Variants in RBFOX1 observed in about 807,000 individuals in gnomAD.
RBFOX1 encodes RNA binding protein fox-1 homolog 1.
In RBFOX1, 8 loss-of-function variants were observed where a neutral mutation model predicts 57.7. The ratio of observed to expected loss-of-function variants is 0.14; its 90% CI spans 0.08 to 0.25. The LOEUF (loss-of-function observed/expected upper bound fraction) is 0.25, where lower values mean the gene tolerates loss of function less well. Among genes scored for constraint, RBFOX1 ranks in the 10% least tolerant of loss-of-function variants. The pLI is 1.00. For missense variants in RBFOX1, 611 were observed against 548.5 expected (o/e 1.11, Z -1.14); for synonymous variants, 326 against 222.4 (o/e 1.47, Z -4.15).
chr16:7,080,031 T>C (rs1326781024), intron 4 of RBFOX1, among the ~76,000 whole-genome samples: 1 of 82,246 alleles, frequency 1.2e-5, no homozygotes, highest in Non-Finnish European at 2.9e-5. Context: ...TACGTATATA[T>C]GTATATAGAT....
At chr16:7,334,202 G>A (rs1409580717) in intron 4 of RBFOX1, among the ~76,000 whole-genome samples, 1 of 152,058 alleles carries the variant, frequency 6.6e-6, no homozygotes, top group East Asian at 1.9e-4. Flanking sequence ...GTGATTCCAA[G>A]TCACAACAAA....
chr16:7,341,733 TC>T (rs2096896477), intron 4 of RBFOX1, among the ~76,000 whole-genome samples: 1 of 79,154 alleles, frequency 1.3e-5, no homozygotes, highest in African/African-American at 4.9e-5. Context: ...CCTCCCTCCC[TC>T]CTTCCCTCCC....
intron 4 of RBFOX1, among the ~76,000 whole-genome samples, chr16:7,149,155 T>C (rs2075630973): frequency 1.3e-5 from 2 of 152,184 alleles, no homozygotes. Flanking sequence ...TTGGAAATCA[T>C]TTCCTACTGC....
chr16:7,254,927 A>C (rs2094617684), intron 4 of RBFOX1, among the ~76,000 whole-genome samples: 2 of 152,122 alleles, frequency 1.3e-5, no homozygotes, highest in African/African-American at 4.8e-5. Flanking sequence ...AGACATTTCA[A>C]ATTTCAATTC....
At chr16:6,339,198 C>T (rs2084183871) in intron 2 of RBFOX1, among the ~76,000 whole-genome samples, 1 of 152,174 alleles carries the variant, frequency 6.6e-6, no homozygotes, top group African/African-American at 2.4e-5. Context: ...GAGTAACTGG[C>T]CATCCCAGGA....
intron 2 of RBFOX1, among the ~76,000 whole-genome samples, chr16:6,598,398 T>A (rs2097800463): frequency 6.6e-6 from 1 of 152,216 alleles, no homozygotes; most frequent in African/African-American, 2.4e-5. Flanking sequence ...TGTGAATTGA[T>A]TGGCCAGTAC....
At chr16:6,493,382 G>T (rs2095679544) in intron 2 of RBFOX1, among the ~76,000 whole-genome samples, 1 of 152,122 alleles carries the variant, frequency 6.6e-6, no homozygotes, top group Admixed American at 6.6e-5. Context: ...CCCTGTTGCT[G>T]TACACACTTG....
At chr16:7,104,777 C>T (rs780530444) in intron 4 of RBFOX1, among the ~76,000 whole-genome samples, 2 of 152,096 alleles carry the variant, frequency 1.3e-5, no homozygotes, top group African/African-American at 2.4e-5. Context: ...ATTGCTCTAC[C>T]TTTTTTGTTG....
intron 3 of RBFOX1, among the ~76,000 whole-genome samples, chr16:6,934,012 G>T (rs1000288139): frequency 1.3e-5 from 2 of 152,166 alleles, no homozygotes; most frequent in African/African-American, 4.8e-5. Context: ...CAGGGGTCAG[G>T]GAGGGGACAC....
At chr16:6,735,180 A>G (rs1203821779) in intron 3 of RBFOX1, among the ~76,000 whole-genome samples, 1 of 152,090 alleles carries the variant, frequency 6.6e-6, no homozygotes, top group Non-Finnish European at 1.5e-5. Context: ...AACAACAACA[A>G]CATCAACAAC....
chr16:6,590,789 A>G (rs2097699203), intron 2 of RBFOX1, among the ~76,000 whole-genome samples: 1 of 152,012 alleles, frequency 6.6e-6, no homozygotes, highest in Admixed American at 6.6e-5. Context: ...ATAATTAGGG[A>G]GAATATTTTG....
At chr16:6,166,941 T>A (rs1597983880) in intron 1 of RBFOX1, among the ~76,000 whole-genome samples, 2 of 105,172 alleles carry the variant, frequency 1.9e-5, no homozygotes, top group African/African-American at 2.7e-5. Context: ...ACCTAGCTAA[T>A]TTTTTTTATT....
chr16:7,103,008 GAC>G (rs1473988716), intron 4 of RBFOX1, among the ~76,000 whole-genome samples: 2 of 151,288 alleles, frequency 1.3e-5, no homozygotes, highest in South Asian at 4.2e-4. Context: ...CACACATTTA[GAC>G]ACACACACGT....
At chr16:6,627,626 G>C (rs748808419) in intron 2 of RBFOX1, among the ~76,000 whole-genome samples, 13 of 152,136 alleles carry the variant, frequency 8.5e-5, no homozygotes, top group African/African-American at 3.1e-4. Context: ...CTATACTTAA[G>C]AATATAAGAT....
chr16:6,970,542 C>G (rs1043483171), intron 3 of RBFOX1, among the ~76,000 whole-genome samples: 1 of 152,146 alleles, frequency 6.6e-6, no homozygotes, highest in African/African-American at 2.4e-5. Flanking sequence ...CCGGTGAGGG[C>G]TGAGTCTCTG....
intron 2 of RBFOX1, among the ~76,000 whole-genome samples, chr16:6,482,114 T>G (rs2095380509): frequency 6.6e-6 from 1 of 152,210 alleles, no homozygotes; most frequent in African/African-American, 2.4e-5. Flanking sequence ...TCCTAATCAG[T>G]TGTATACAAG....
chr16:6,662,806 AC>A (rs2098709740), intron 3 of RBFOX1, among the ~76,000 whole-genome samples: 1 of 105,974 alleles, frequency 9.4e-6, no homozygotes, highest in Non-Finnish European at 2.0e-5. Context: ...TCTACATATG[AC>A]AAAAAAAATA....
intron 2 of RBFOX1, among the ~76,000 whole-genome samples, chr16:5,569,438 C>CTTTTTTTTTTTTTTTTTTTTTTTTTTTTT (rs796279138): frequency 6.1e-5 from 3 of 49,204 alleles, no homozygotes; most frequent in South Asian, 1.1e-3. Flanking sequence ...AAGAAGTAAC[C>CTTTTTTTTTTTTTTTTTTTTTTTTTTTTT]TTTTTTTTTT....
At chr16:6,814,852 G>C (rs957704074) in intron 3 of RBFOX1, among the ~76,000 whole-genome samples, 1 of 152,140 alleles carries the variant, frequency 6.6e-6, no homozygotes, top group Non-Finnish European at 1.5e-5. Flanking sequence ...TGATCCAGAC[G>C]CCAAGAGAGG....
Sources: gnomAD v4.1 joint callset for allele counts (sites outside exome capture counted in the v4.1 genomes callset) on GRCh38, gnomAD v4.1.1 for gene constraint, MANE v1.5 for transcripts, NCBI Gene and HGNC (gene_info 2026-07-23, HGNC 2026-07-21) for gene names.